ZNF518B: variants seen among roughly 807,000 people sequenced by gnomAD.
ZNF518B encodes zinc finger protein 518B.
Under a neutral mutation model 56.3 loss-of-function variants are expected in ZNF518B, and 23 were observed. The observed-to-expected ratio is 0.41, with a 90% CI of 0.29 to 0.58. The LOEUF (loss-of-function observed/expected upper bound fraction) is 0.58. ZNF518B is among the 20% of genes least tolerant of loss of function. The probability of loss-of-function intolerance (pLI) is 0.32; values close to 1 mark genes in which losing one functional copy is unlikely to be tolerated. For missense variants in ZNF518B, 1,460 were observed against 1,272.1 expected, an observed-to-expected ratio of 1.15 and a Z score of -2.25; for synonymous variants, 529 against 465.9, an observed-to-expected ratio of 1.14 and a Z score of -1.74.
rs1176915635 is a variant in ZNF518B at position 10,444,601 on chromosome 4, C to A, written c.1728G>T (p.Gln576His). The change falls in exon 3 of 3, where the codon CAG (glutamine) becomes CAT (histidine). Residue 576 changes from glutamine (Q) to histidine (H), a missense_variant. By Grantham distance (24) the Gln-to-His change is conservative. Transcript: ENST00000326756. ...VSSNRKQEDN[Q>H]TEEHKAVSTV... is the part of the protein sequence containing the mutation. ...TTGAAACTGCCTTGTGTTCCTCTGT[C>A]TGGTTATCTTCCTGCTTCCTATTAG... 4.3e-6 allele frequency: 7 copies of A among 1,614,020 alleles called. No individual in the cohort carries two copies. The highest frequency in any genetic ancestry group is 5.9e-6 in the Non-Finnish European group (7 of 1,180,028).
At chr4:10,456,409 G>C (rs1011507494) in intron 1 of ZNF518B, among the ~76,000 whole-genome samples, 26 of 152,244 alleles carry the variant, frequency 1.7e-4, no homozygotes, top group African/African-American at 6.3e-4. Flanking sequence ...AAGACACCAA[G>C]ATAAGACGGG....
At position 10,445,019 on chromosome 4, in the gene ZNF518B, G is replaced by A. The variant is rs926329472; in HGVS notation, c.1310C>T (p.Ser437Phe). ...AGAATTTGGCATAATAAAATCATAAGACCTTACCCATTTCACATTTTTAAG... is the reference window on the plus strand; with the variant it reads ...AGAATTTGGCATAATAAAATCATAAAACCTTACCCATTTCACATTTTTAAG... The part of the protein sequence containing the change: ...KQLKNVKWVR[S>F]YDFIMPNSSV... The change falls in exon 3 of 3, where the codon TCT becomes TTT. Residue 437 changes from serine (S) to phenylalanine (F), a missense_variant. Ser to Phe is a radical substitution (Grantham distance 155, BLOSUM62 -2). Coordinates refer to ENST00000326756, the MANE Select transcript of ZNF518B (RefSeq NM_053042.3). 1 of 1,614,106 alleles carries A rather than the reference G, an allele frequency of 6.2e-7. No individual in the cohort carries two copies. Among genetic ancestry groups the A allele is most frequent in the African/African-American group, 1.3e-5 (1 of 75,036 alleles).
chr4:10,459,577 C>T (rs1715679407), upstream of ZNF518B, among the ~76,000 whole-genome samples: 1 of 152,132 alleles, frequency 6.6e-6, no homozygotes, highest in East Asian at 1.9e-4. Flanking sequence ...AAGACAAGGT[C>T]ATTAGGGTGG....
Position 10,443,893 on chromosome 4 carries a change from T to C in ZNF518B, c.2436A>G (p.Pro812=). 6.2e-7 allele frequency: 1 copy of C among 1,614,166 alleles called. No individual in the cohort carries two copies. The change falls in exon 3 of 3, where the codon CCA becomes CCG. Residue 812 remains proline (P), a synonymous_variant. Coordinates refer to ENST00000326756, the MANE Select transcript of ZNF518B (RefSeq NM_053042.3). ...CSERQLIKPV[P]FCPVRQADSD... is the part of the protein sequence containing the mutation. ...AGTCCGCCTGTCTCACAGGGCAAAA[T>C]GGAACTGGTTTTATTAACTGTCTTT...
chr4:10,446,588 A>G (rs1715065820), intron 2 of ZNF518B, 49 bp from the exon 3 acceptor site: 2 of 394,292 alleles, frequency 5.1e-6, no homozygotes, highest in Admixed American at 8.1e-5. Context: ...GAGTTTGGCT[A>G]AGCTATTAAC....
rs1027757205 is a variant in ZNF518B at position 10,443,252 on chromosome 4, G to A, written c.3077C>T (p.Ser1026Phe). 6.2e-7 allele frequency: 1 copy of A among 1,614,034 alleles called. No homozygotes were observed. The highest frequency in any genetic ancestry group is 8.5e-7 in the Non-Finnish European group (1 of 1,180,036). Residue 1026 changes from serine (S) to phenylalanine (F), a missense_variant, in exon 3 of 3, where the codon TCC becomes TTC. Ser to Phe is a radical substitution (Grantham distance 155). Coordinates refer to ENST00000326756, the MANE Select transcript of ZNF518B (RefSeq NM_053042.3). Reference protein sequence around the residue: ...VHKNNYQVVDSLPDDSSQCVF... With the variant: ...VHKNNYQVVDFLPDDSSQCVF... ...ACACTGTGAAGAATCATCAGGCAAG[G>A]AATCCACTACCTGGTAGTTGTTTTT...
chr4:10,453,251 T>G (rs1715399003), intron 2 of ZNF518B: 1 of 152,252 alleles, frequency 6.6e-6, no homozygotes, highest in South Asian at 2.1e-4. Context: ...CAATATATTT[T>G]TTTAAGATGG....
chr4:10,442,751 TC>T lies in ZNF518B; in HGVS notation c.*352del. 5.3e-6 allele frequency: 1 copy of T among 187,904 alleles called. No individual in the cohort carries two copies. The highest frequency in any genetic ancestry group is 1.1e-5 in the Non-Finnish European group (1 of 90,270). The allele number at this position is 187,904 out of a possible 1,614,324, so 11.6% of individuals were successfully genotyped here. A position where few individuals can be genotyped will look rare whatever the true frequency, so the allele number is the denominator to read the frequency against. The stretch of plus-strand genomic sequence containing the variant: ...TATATGAAGAGCATGTGTAAAACAT[TC>T]TCAATCTGCCCCTCTGAATGGATTA... On this transcript the variant is annotated 3_prime_UTR_variant, in exon 3 of 3. Coordinates refer to ENST00000326756, the MANE Select transcript of ZNF518B (RefSeq NM_053042.3).
In ZNF518B at chr4:10,443,106, A is replaced by G. The variant is rs200219137; in HGVS notation, c.3223T>C (p.Ter1075GlnextTer12). The change falls in exon 3 of 3, where the codon TAA (stop) becomes CAA (glutamine). Residue 1075 changes from the stop codon to glutamine (Q), a stop_lost. Transcript: ENST00000326756. Reference protein sequence around the residue: ...DWDVLSSKGK* With the variant: ...DWDVLSSKGKQ ...TGCTTTAAAGAGTAACTGTTTACTT[A>G]TTTGCCCTTGGAGGAAAGAACATCC... is the stretch of plus-strand genomic sequence containing the variant. The G allele has an allele frequency of 1.9e-6, 3 of 1,609,408 alleles. No homozygotes were observed. The highest frequency in any genetic ancestry group is 1.7e-6 in the Non-Finnish European group (2 of 1,177,914).
At chr4:10,453,245 A>G (rs920098522) in intron 2 of ZNF518B, 1 of 152,250 alleles carries the variant, frequency 6.6e-6, no homozygotes, top group Admixed American at 6.5e-5. Context: ...ATCAGTCAAT[A>G]TATTTTTTTA....
At chr4:10,454,048 T>C (rs1341735635) in intron 2 of ZNF518B, 2 of 152,244 alleles carry the variant, frequency 1.3e-5, no homozygotes, top group Admixed American at 1.3e-4. Flanking sequence ...GTGATTCTCA[T>C]ATGCAGCTAT....
At chr4:10,460,310 A>C (rs1715701683), upstream of ZNF518B, among the ~76,000 whole-genome samples, 2 of 92,286 alleles carry the variant, frequency 2.2e-5, no homozygotes, top group African/African-American at 9.2e-5. Flanking sequence ...GTCTCAAAAA[A>C]AAAAAAAAAA....
chr4:10,456,049 G>A (rs780959752), intron 1 of ZNF518B, among the ~76,000 whole-genome samples: 1 of 152,174 alleles, frequency 6.6e-6, no homozygotes, highest in African/African-American at 2.4e-5. Flanking sequence ...CTGTAGAAGA[G>A]TACTGCAAGC....
rs1406933461 is a variant in ZNF518B at position 10,445,611 on chromosome 4, G to C, written c.718C>G (p.Pro240Ala). 1 of 1,614,094 alleles carries C rather than the reference G, an allele frequency of 6.2e-7. No homozygotes were observed. The highest frequency in any genetic ancestry group is 2.2e-5 in the East Asian group (1 of 44,890). ...PKRTGTSKQN[P>A]ELLKASNPRT... ...GGATTGGAAGCTTTTAGAAGCTCTG[G>C]GTTTTGTTTTGAAGTTCCGGTTCTT... Residue 240 changes from proline (P) to alanine (A), a missense_variant, in exon 3 of 3, where the codon CCA becomes GCA. Physicochemically the swap from Pro to Ala is conservative, Grantham distance 27 (BLOSUM62 -1). Coordinates refer to ENST00000326756, the MANE Select transcript of ZNF518B (RefSeq NM_053042.3).
At chr4:10,452,021 A>C (rs1274797187) in intron 2 of ZNF518B, 1 of 152,222 alleles carries the variant, frequency 6.6e-6, no homozygotes, top group Non-Finnish European at 1.5e-5. Context: ...CAGCAAGCTC[A>C]GTGTTAGTTG....
rs547023991 is a variant in ZNF518B at position 10,441,780 on chromosome 4, G to C, written c.*1324C>G. The C allele has an allele frequency of 2.0e-5, 3 of 152,252 alleles. No individual in the cohort carries two copies. Among genetic ancestry groups the C allele is most frequent in the Non-Finnish European group, 4.4e-5 (3 of 68,078 alleles). 9.4% of individuals were successfully genotyped at this position (152,252 alleles called of 1,614,324 possible). A position where few individuals can be genotyped will look rare whatever the true frequency, so the allele number is the denominator to read the frequency against. On this transcript the variant is annotated 3_prime_UTR_variant, in exon 3 of 3. Coordinates refer to ENST00000326756, the MANE Select transcript of ZNF518B (RefSeq NM_053042.3). Reference sequence around the variant, plus strand: ...AAATGTGTAGATAAATGACAGTCCTGACATCTGTTGGTAGAGAGGGGAGTG... The same window carrying C: ...AAATGTGTAGATAAATGACAGTCCTCACATCTGTTGGTAGAGAGGGGAGTG...
In ZNF518B at chr4:10,446,361, AT is replaced by A. The variant is rs35177766; in HGVS notation, c.-34del. 0.55 allele frequency: 867,236 copies of A among 1,585,942 alleles called. 239,367 individuals carry two copies. The highest frequency in any genetic ancestry group is 0.61 in the East Asian group (27,038 of 44,476). On this transcript the variant is annotated 5_prime_UTR_variant, in exon 3 of 3. Coordinates refer to ENST00000326756, the MANE Select transcript of ZNF518B (RefSeq NM_053042.3). ...GCATTTCTAAAAAGAGCCAACTAAA[AT>A]TCAGAAAGTTTTCACATGATAAAAT...
rs1714829405 is a variant in ZNF518B at position 10,444,053 on chromosome 4, C to G, written c.2276G>C (p.Arg759Thr). 1.2e-6 allele frequency: 2 copies of G among 1,614,114 alleles called. No homozygotes were observed. The highest frequency in any genetic ancestry group is 2.2e-5 in the South Asian group (2 of 91,088). Residue 759 changes from arginine (R) to threonine (T), a missense_variant, in exon 3 of 3, where the codon AGA becomes ACA. Coordinates refer to ENST00000326756, the MANE Select transcript of ZNF518B (RefSeq NM_053042.3). ...ADGSNRKTKS[R>T]VARKAHVATP... is the part of the protein sequence containing the mutation. ...GGCAACATGAGCCTTCCTGGCCACTCTGCTTTTGGTTTTCCTATTACTGCC... is the reference window on the plus strand; with the variant it reads ...GGCAACATGAGCCTTCCTGGCCACTGTGCTTTTGGTTTTCCTATTACTGCC...
rs1249604112 is a variant in ZNF518B, at chr4:10,442,179, C to A, written c.*925G>T. 6.6e-6 allele frequency: 1 copy of A among 152,182 alleles called. No homozygotes were observed. The highest frequency in any genetic ancestry group is 1.9e-4 in the East Asian group (1 of 5,180). The allele number at this position is 152,182 out of a possible 1,614,324, so 9.4% of individuals were successfully genotyped here. The stretch of plus-strand genomic sequence containing the variant: ...TCTTTGGATGAATCCCAAATGAAAA[C>A]TAAAGGGCATATGAAACCCTTTTCA... On this transcript the variant is annotated 3_prime_UTR_variant, in exon 3 of 3. Coordinates refer to ENST00000326756, the MANE Select transcript of ZNF518B (RefSeq NM_053042.3).
Sources: gnomAD v4.1 joint callset for allele counts (sites outside exome capture counted in the v4.1 genomes callset) on GRCh38, gnomAD v4.1.1 for gene constraint, MANE v1.5 for transcripts, NCBI Gene and HGNC (gene_info 2026-07-23, HGNC 2026-07-21) for gene names.